SULF1: variants seen among roughly 807,000 people sequenced by gnomAD.
The protein encoded by SULF1 is extracellular sulfatase Sulf-1.
A neutral mutation model predicts 110.5 loss-of-function variants in SULF1; 46 were observed. That is an observed-to-expected ratio of 0.42 (90% CI 0.33 to 0.53). The LOEUF (loss-of-function observed/expected upper bound fraction) is 0.53, where lower values mean the gene tolerates loss of function less well. Among genes scored for constraint, SULF1 ranks in the 20% least tolerant of loss-of-function variants. The pLI is 0.12. For synonymous variants in SULF1, 371 were observed against 387.1 expected (o/e 0.96, Z 0.49); for missense variants, 941 against 1,094.2 (o/e 0.86, Z 1.98).
intron 15 of SULF1, 41 bp downstream of exon 15, chr8:69,624,238 T>G (rs775084715): frequency 3.9e-6 from 6 of 1,531,368 alleles, no homozygotes; most frequent in Non-Finnish European, 5.3e-6. Context: ...GAGTTCAGAA[T>G]TACCACCACA....
chr8:69,628,074 GCCTT>G (rs1810235314), intron 17 of SULF1, 93 bp from the exon 18 acceptor site: 18 of 1,062,860 alleles, frequency 1.7e-5, no homozygotes, highest in Non-Finnish European at 2.3e-5. Flanking sequence ...CAACATCACT[GCCTT>G]CCTTCTTTCT....
At chr8:69,577,240 G>A (rs887260535) in intron 6 of SULF1, among the ~76,000 whole-genome samples, 13 of 152,248 alleles carry the variant, frequency 8.5e-5, no homozygotes, top group Admixed American at 1.3e-4. Context: ...TTATCTGAGT[G>A]TGTTTTCTCA....
intron 1 of SULF1, among the ~76,000 whole-genome samples, chr8:69,483,463 G>A (rs978999753): frequency 1.1e-4 from 17 of 152,022 alleles, no homozygotes; most frequent in African/African-American, 3.1e-4. Context: ...GCTACTAAAC[G>A]GCAGAATTTA....
intron 3 of SULF1, among the ~76,000 whole-genome samples, chr8:69,521,309 T>C (rs1347339789): frequency 6.6e-6 from 1 of 152,196 alleles, no homozygotes; most frequent in Non-Finnish European, 1.5e-5. Flanking sequence ...TCCCAACTTT[T>C]GTAGGTCTTC....
At position 69,624,132 on chromosome 8, in the gene SULF1, G is replaced by T. The variant is rs781477174; in HGVS notation, c.1785G>T (p.Arg595Ser). ...RDLQASSGGNRGRMLADSSNA... is the reference protein window; with the variant it reads ...RDLQASSGGNSGRMLADSSNA... Reference sequence around the variant, plus strand: ...TCCAGGCTTCCAGTGGTGGCAACAGGGGCAGGATGCTGGCAGATAGCAGCA... The same window carrying T: ...TCCAGGCTTCCAGTGGTGGCAACAGTGGCAGGATGCTGGCAGATAGCAGCA... Residue 595 changes from arginine (R) to serine (S), a missense_variant, in exon 15 of 23, where the codon AGG becomes AGT. Transcript: ENST00000402687. 8 of 1,612,870 alleles carry T rather than the reference G, an allele frequency of 5.0e-6. No homozygotes were observed. The highest frequency in any genetic ancestry group is 6.8e-6 in the Non-Finnish European group (8 of 1,179,094).
intron 1 of SULF1, among the ~76,000 whole-genome samples, chr8:69,468,974 A>G (rs1056817828): frequency 1.3e-5 from 2 of 152,176 alleles, no homozygotes; most frequent in Non-Finnish European, 2.9e-5. Flanking sequence ...CCCTGAAAAA[A>G]ACAATTGTAC....
At chr8:69,629,429 C>G in intron 18 of SULF1, 75 bp from the exon 19 acceptor site, 3 of 1,454,082 alleles carry the variant, frequency 2.1e-6, no homozygotes, top group Non-Finnish European at 2.8e-6. Flanking sequence ...TTGTGCAAGA[C>G]TCACAGCAAC....
At chr8:69,585,375 G>C (rs905637910) in intron 6 of SULF1, among the ~76,000 whole-genome samples, 3 of 152,184 alleles carry the variant, frequency 2.0e-5, no homozygotes, top group East Asian at 3.9e-4. Flanking sequence ...TCTCTCAAAA[G>C]TATTCCAGTA....
At chr8:69,596,085 C>T (rs868233129) in intron 8 of SULF1, among the ~76,000 whole-genome samples, 7 of 152,160 alleles carry the variant, frequency 4.6e-5, no homozygotes, top group African/African-American at 7.2e-5. Context: ...CATGATCCAG[C>T]GCACTGAGCA....
chr8:69,469,967 G>T (rs752221260), intron 1 of SULF1, among the ~76,000 whole-genome samples: 1 of 152,108 alleles, frequency 6.6e-6, no homozygotes, highest in Non-Finnish European at 1.5e-5. Context: ...GCTTGAACCC[G>T]AAAGGCGGAG....
chr8:69,479,807 A>G (rs1297688896), intron 1 of SULF1, among the ~76,000 whole-genome samples: 2 of 152,198 alleles, frequency 1.3e-5, no homozygotes, highest in African/African-American at 4.8e-5. Flanking sequence ...TTCTAAATCC[A>G]GGCTTTATCT....
At chr8:69,552,111 A>G (rs192402356) in intron 3 of SULF1, among the ~76,000 whole-genome samples, 5 of 152,338 alleles carry the variant, frequency 3.3e-5, no homozygotes, top group African/African-American at 1.2e-4. Flanking sequence ...AAGCAATTTT[A>G]TAGGTCTCAT....
intron 3 of SULF1, among the ~76,000 whole-genome samples, chr8:69,558,509 C>T (rs1257323273): frequency 1.3e-5 from 2 of 152,130 alleles, no homozygotes; most frequent in African/African-American, 2.4e-5. Flanking sequence ...ACTTCAGATG[C>T]ATGGGCATTC....
intron 22 of SULF1, among the ~76,000 whole-genome samples, chr8:69,656,358 G>A (rs936868400): frequency 6.6e-5 from 10 of 152,168 alleles, no homozygotes; most frequent in Middle Eastern, 3.4e-3. Flanking sequence ...TGCAGGATGC[G>A]CAGGTTTGTT....
At position 69,638,783 on chromosome 8, in the gene SULF1, C is replaced by CA; in HGVS notation, c.2477dup (p.His826GlnfsTer14). The CA allele has an allele frequency of 6.2e-7, 1 of 1,614,148 alleles. No individual in the cohort carries two copies. Among genetic ancestry groups the CA allele is most frequent in the Non-Finnish European group, 8.5e-7 (1 of 1,180,014 alleles). Reference sequence around the variant, plus strand: ...AGAACGAGGCATTTTGAATCAGCTACACGTACAACTAATGGAGCTCAGAAG... The same window carrying CA: ...AGAACGAGGCATTTTGAATCAGCTACAACGTACAACTAATGGAGCTCAGAAG... On this transcript the variant is annotated frameshift_variant, in exon 21 of 23. Coordinates refer to ENST00000402687, the MANE Select transcript of SULF1 (RefSeq NM_001128205.2). LOFTEE classifies it high-confidence loss of function.
chr8:69,556,996 C>T (rs576176419), intron 3 of SULF1, among the ~76,000 whole-genome samples: 26 of 152,298 alleles, frequency 1.7e-4, no homozygotes, highest in African/African-American at 6.0e-4. Flanking sequence ...CATTCACCTC[C>T]CACTTATAAG....
At chr8:69,508,939 T>C (rs1811378167) in intron 3 of SULF1, among the ~76,000 whole-genome samples, 4 of 152,166 alleles carry the variant, frequency 2.6e-5, no homozygotes, top group African/African-American at 4.8e-5. Context: ...AGCCATAATA[T>C]AATGACTCAT....
chr8:69,485,931 G>T (rs1434070907), intron 1 of SULF1, among the ~76,000 whole-genome samples: 4 of 152,142 alleles, frequency 2.6e-5, no homozygotes, highest in African/African-American at 9.7e-5. Flanking sequence ...AACACTCTGA[G>T]TTTACCTGCT....
intron 5 of SULF1, among the ~76,000 whole-genome samples, 165 bp downstream of exon 5, chr8:69,564,312 T>C (rs536243500): frequency 2.0e-4 from 31 of 152,324 alleles, no homozygotes; most frequent in African/African-American, 7.0e-4. Flanking sequence ...ATTTGGTTTG[T>C]GTTTCAGCAT....
Sources: gnomAD v4.1 joint callset for allele counts (sites outside exome capture counted in the v4.1 genomes callset) on GRCh38, gnomAD v4.1.1 for gene constraint, MANE v1.5 for transcripts, NCBI Gene and HGNC (gene_info 2026-07-23, HGNC 2026-07-21) for gene names.